The following NMD3 variants were observed in gnomAD, a reference collection of about 807,000 sequenced individuals.
The protein encoded by NMD3 is 60S ribosomal export protein NMD3.
In NMD3, 47 loss-of-function variants were observed where a neutral mutation model predicts 73.1. That is an observed-to-expected ratio of 0.64 (90% CI 0.51 to 0.82). The LOEUF is 0.82. Ranked by LOEUF, NMD3 falls within the 40% of genes least tolerant of loss-of-function variation. NMD3 has a pLI of 0.00. For missense variants in NMD3, 554 were observed against 612.5 expected (o/e 0.90, Z 1.01); for synonymous variants, 210 against 194.5 (o/e 1.08, Z -0.66).
intron 14 of NMD3, among the ~76,000 whole-genome samples, chr3:161,249,903 C>T (rs1007660169): frequency 6.6e-6 from 1 of 152,058 alleles, no homozygotes; most frequent in Admixed American, 6.6e-5. Flanking sequence ...GAATATGTGG[C>T]ACATGACTTT....
rs768985739 is a variant in NMD3, at chr3:161,249,457, T to C, written c.1207T>C (p.Leu403=). 13 of 1,588,788 alleles carry C rather than the reference T, an allele frequency of 8.2e-6. No individual in the cohort carries two copies. The highest frequency in any genetic ancestry group is 1.0e-5 in the Non-Finnish European group (12 of 1,164,984). Residue 403 remains leucine (L), a synonymous_variant, in exon 14 of 16, where the codon TTA becomes CTA. Coordinates refer to ENST00000351193, the MANE Select transcript of NMD3 (RefSeq NM_015938.5). ...TTTACAAATATTTATCTTGCAGGTA[T>C]TAATCAAGAAGAGCTATGACCGGAC... is the stretch of plus-strand genomic sequence containing the variant. ...MNSDRVPDVV[L]IKKSYDRTKR...
chr3:161,238,548 A>T (rs1183696938), intron 8 of NMD3, among the ~76,000 whole-genome samples, 182 bp from the exon 9 acceptor site: 1 of 152,200 alleles, frequency 6.6e-6, no homozygotes, highest in African/African-American at 2.4e-5. Context: ...GGTAGGGCTT[A>T]GTTAGAATGG....
At chr3:161,248,734 A>G (rs1487800384) in intron 13 of NMD3, among the ~76,000 whole-genome samples, 2 of 152,192 alleles carry the variant, frequency 1.3e-5, no homozygotes, top group Non-Finnish European at 2.9e-5. Context: ...GTTAAGAATC[A>G]TGAGAAACTG....
At position 161,225,163 on chromosome 3, in the gene NMD3, T is replaced by C. The variant is rs74571337; in HGVS notation, c.179+99T>C. On this transcript the variant is annotated intron_variant, in intron 3 of 15. Coordinates refer to ENST00000351193, the MANE Select transcript of NMD3 (RefSeq NM_015938.5). Reference sequence around the variant, plus strand: ...TTACACGAAGGTATATGGAGTAAAGTGCATGCAATTAAGGTTTAAATTTTC... The same window carrying C: ...TTACACGAAGGTATATGGAGTAAAGCGCATGCAATTAAGGTTTAAATTTTC... The C allele has an allele frequency of 5.8e-3, 7,300 of 1,263,876 alleles. 326 individuals carry two copies. The African/African-American group carries it at 0.097, about 17-fold the overall frequency. The allele number at this position is 1,263,876 out of a possible 1,614,324, so 78.3% of individuals were successfully genotyped here.
intron 7 of NMD3, among the ~76,000 whole-genome samples, chr3:161,236,289 G>A (rs1391115563): frequency 6.6e-6 from 1 of 152,084 alleles, no homozygotes. Context: ...CTGCTTCAAA[G>A]TGGCTGTACC....
intron 14 of NMD3, 78 bp downstream of exon 14, chr3:161,249,638 T>C (rs752662714): frequency 8.0e-6 from 7 of 880,142 alleles, no homozygotes; most frequent in Non-Finnish European, 1.3e-5. Context: ...TGTAAAGAAA[T>C]AGGCATCACA....
chr3:161,233,339 CG>C, intron 4 of NMD3, 59 bp from the exon 5 acceptor site: 2 of 1,132,772 alleles, frequency 1.8e-6, no homozygotes, highest in Non-Finnish European at 2.6e-6. Context: ...TTTGTTCTTT[CG>C]TGTTTTTTTT....
Position 161,238,118 on chromosome 3 carries a change from C to A in NMD3, c.583C>A (p.Leu195Met). The A allele has an allele frequency of 6.5e-7, 1 of 1,532,856 alleles. No homozygotes were observed. Among genetic ancestry groups the A allele is most frequent in the Non-Finnish European group, 8.8e-7 (1 of 1,131,830 alleles). The allele number at this position is 1,532,856 out of a possible 1,614,324, so 95.0% of individuals were successfully genotyped here. ...GCTTTTTTTTTTTTTTTAAGATGGT[C>A]TGGATTTTTATTATTCCTCAAAACA... ...TLRIKEIHDG[L>M]DFYYSSKQHA... The change falls in exon 8 of 16, where the codon CTG (leucine) becomes ATG (methionine). Residue 195 changes from leucine (L) to methionine (M), a missense_variant. Leu to Met is a conservative substitution (Grantham distance 15, BLOSUM62 2). Coordinates refer to ENST00000351193, the MANE Select transcript of NMD3 (RefSeq NM_015938.5).
At chr3:161,239,390 A>G (rs932027959) in intron 9 of NMD3, among the ~76,000 whole-genome samples, 2 of 152,220 alleles carry the variant, frequency 1.3e-5, no homozygotes, top group African/African-American at 2.4e-5. Flanking sequence ...TTGAGTATCT[A>G]TAGTATAGAA....
chr3:161,227,205 C>A, intron 3 of NMD3, 42 bp from the exon 4 acceptor site: 1 of 1,255,424 alleles, frequency 8.0e-7, no homozygotes, highest in Non-Finnish European at 1.1e-6. Context: ...TTCTGTGTTT[C>A]CTGACAGATG....
chr3:161,221,849 C>T, intron 1 of NMD3, 145 bp from the exon 2 acceptor site: 2 of 535,524 alleles, frequency 3.7e-6, no homozygotes, highest in Non-Finnish European at 6.4e-6. Context: ...GTTGGGTTTC[C>T]TTCTTTCCTG....
At chr3:161,224,444 AG>A (rs1736227996) in intron 2 of NMD3, among the ~76,000 whole-genome samples, 1 of 152,120 alleles carries the variant, frequency 6.6e-6, no homozygotes, top group Non-Finnish European at 1.5e-5. Flanking sequence ...CCTGTATTAC[AG>A]GGTTATTCTT....
chr3:161,237,895 T>A (rs1736825757), intron 7 of NMD3, among the ~76,000 whole-genome samples: 1 of 152,186 alleles, frequency 6.6e-6, no homozygotes, highest in Non-Finnish European at 1.5e-5. Context: ...TTTTCTAGAA[T>A]TAGAATTACG....
intron 9 of NMD3, among the ~76,000 whole-genome samples, 194 bp from the exon 10 acceptor site, chr3:161,240,852 A>C (rs1736946887): frequency 6.7e-6 from 1 of 149,790 alleles, no homozygotes; most frequent in African/African-American, 2.5e-5. Context: ...TTTTTTTTTA[A>C]AGCATTTTTA....
intron 4 of NMD3, among the ~76,000 whole-genome samples, chr3:161,231,717 G>C (rs773621028): frequency 2.6e-5 from 4 of 152,118 alleles, no homozygotes; most frequent in Admixed American, 6.6e-5. Flanking sequence ...GTGATAGGAA[G>C]AATCAGTTAT....
chr3:161,225,882 A>G (rs1035469832), intron 3 of NMD3, among the ~76,000 whole-genome samples: 1 of 152,080 alleles, frequency 6.6e-6, no homozygotes, highest in South Asian at 2.1e-4. Context: ...ATATATACAT[A>G]TATATACACA....
intron 4 of NMD3, 94 bp downstream of exon 4, chr3:161,227,437 A>ATTT (rs55825529): frequency 5.2e-3 from 1,874 of 359,060 alleles, no homozygotes; most frequent in East Asian, 7.8e-3. Context: ...TTCAAAAGGA[A>ATTT]TTTTTTTTTT....
intron 4 of NMD3, among the ~76,000 whole-genome samples, chr3:161,228,481 T>A (rs1054704390): frequency 6.6e-6 from 1 of 151,964 alleles, no homozygotes; most frequent in Admixed American, 6.6e-5. Context: ...AGTTCCAGAG[T>A]CTTTCATGTT....
At position 161,250,999 on chromosome 3, in the gene NMD3, C is replaced by G; in HGVS notation, c.*89C>G. 1 of 1,058,638 alleles carries G rather than the reference C, an allele frequency of 9.4e-7. No individual in the cohort carries two copies. Among genetic ancestry groups the G allele is most frequent in the Non-Finnish European group, 1.4e-6 (1 of 736,844 alleles). 65.6% of individuals were successfully genotyped at this position (1,058,638 alleles called of 1,614,324 possible). On this transcript the variant is annotated 3_prime_UTR_variant, in exon 16 of 16. Coordinates refer to ENST00000351193, the MANE Select transcript of NMD3 (RefSeq NM_015938.5). Reference sequence around the variant, plus strand: ...CTCTACTATCTTTGCCTCCAGATTTCAAGAGGAGAAATTTAGTTTTAAACC... The same window carrying G: ...CTCTACTATCTTTGCCTCCAGATTTGAAGAGGAGAAATTTAGTTTTAAACC...
Sources: gnomAD v4.1 joint callset for allele counts (sites outside exome capture counted in the v4.1 genomes callset) on GRCh38, gnomAD v4.1.1 for gene constraint, MANE v1.5 for transcripts, NCBI Gene and HGNC (gene_info 2026-07-23, HGNC 2026-07-21) for gene names.